The following RIT2 variants were observed in gnomAD, a reference collection of about 807,000 sequenced individuals.
The protein encoded by RIT2 is GTP-binding protein Rit2.
A neutral mutation model predicts 23.7 loss-of-function variants in RIT2; 24 were observed. The ratio of observed to expected loss-of-function variants is 1.01; its 90% CI spans 0.73 to 1.43. RIT2 has a LOEUF of 1.43. Ranked by LOEUF, RIT2 falls within the 40% of genes most tolerant of loss-of-function variation. The probability of loss-of-function intolerance (pLI) is 0.00; values close to 1 mark genes in which losing one functional copy is unlikely to be tolerated. For synonymous variants in RIT2, 107 were observed against 91.1 expected, an observed-to-expected ratio of 1.17 and a Z score of -0.99; for missense variants, 236 against 266.9, an observed-to-expected ratio of 0.88 and a Z score of 0.81.
At chr18:42,763,736 T>C (rs1567990452) in intron 4 of RIT2, among the ~76,000 whole-genome samples, 1 of 152,220 alleles carries the variant, frequency 6.6e-6, no homozygotes, top group Non-Finnish European at 1.5e-5. Flanking sequence ...TTGACTCTGG[T>C]AATAAAACTT....
intron 1 of RIT2, among the ~76,000 whole-genome samples, chr18:43,057,380 T>A (rs1365727954): frequency 6.6e-6 from 1 of 152,134 alleles, no homozygotes; most frequent in Non-Finnish European, 1.5e-5. Flanking sequence ...CAAGGGCCAG[T>A]GCCATAAACC....
At chr18:42,762,049 T>A (rs1913315098) in intron 4 of RIT2, among the ~76,000 whole-genome samples, 1 of 152,230 alleles carries the variant, frequency 6.6e-6, no homozygotes, top group African/African-American at 2.4e-5. Context: ...GAAATAAGTT[T>A]ATTTACATGT....
chr18:42,881,932 G>A (rs1241652868), intron 4 of RIT2, among the ~76,000 whole-genome samples: 7 of 152,076 alleles, frequency 4.6e-5, no homozygotes, highest in East Asian at 1.9e-4. Flanking sequence ...GCATACAGGC[G>A]GATCACTCCA....
intron 1 of RIT2, among the ~76,000 whole-genome samples, chr18:43,085,884 G>A (rs1342674948): frequency 6.6e-6 from 1 of 152,074 alleles, no homozygotes; most frequent in African/African-American, 2.4e-5. Context: ...AGGATCTGAT[G>A]ATTTTATAAA....
At chr18:42,877,581 G>T (rs1598695599) in intron 4 of RIT2, among the ~76,000 whole-genome samples, 1 of 148,048 alleles carries the variant, frequency 6.8e-6, no homozygotes, top group African/African-American at 2.5e-5. Flanking sequence ...TACAAATAAA[G>T]ATTTATGTGT....
At chr18:42,905,870 TG>T (rs1418823202) in intron 4 of RIT2, among the ~76,000 whole-genome samples, 2 of 149,372 alleles carry the variant, frequency 1.3e-5, no homozygotes, top group African/African-American at 4.9e-5. Flanking sequence ...TCCAGGTAGG[TG>T]GCTGGCTTTA....
intron 1 of RIT2, among the ~76,000 whole-genome samples, chr18:43,039,349 C>CTT (rs1251475840): frequency 5.6e-4 from 74 of 133,248 alleles, no homozygotes; most frequent in Middle Eastern, 8.0e-3. Flanking sequence ...TTTTTCTTTT[C>CTT]TTTTTTTTTT....
intron 4 of RIT2, among the ~76,000 whole-genome samples, chr18:42,867,470 T>C (rs1195323293): frequency 6.6e-6 from 1 of 151,982 alleles, no homozygotes; most frequent in Non-Finnish European, 1.5e-5. Flanking sequence ...AGGCAATCAA[T>C]ATCCTAAAAA....
chr18:43,027,901 C>T (rs185092100), intron 2 of RIT2, among the ~76,000 whole-genome samples: 2 of 152,112 alleles, frequency 1.3e-5, no homozygotes, highest in East Asian at 1.9e-4. Flanking sequence ...AGAAATCTAA[C>T]TTAGATAACA....
At chr18:43,088,329 G>A (rs949723931) in intron 1 of RIT2, among the ~76,000 whole-genome samples, 2 of 152,126 alleles carry the variant, frequency 1.3e-5, no homozygotes, top group Non-Finnish European at 2.9e-5. Flanking sequence ...GTTCTTTAAT[G>A]TTCTAATATT....
In RIT2 at chr18:42,850,219, C is replaced by T. The variant is rs370145137; in HGVS notation, c.426+73353G>A. Reference sequence around the variant, plus strand: ...GCAATGATAATTCTTTGGAATGCTCCGCTCTTTACCTATCTGTTTAATTTG... The same window carrying T: ...GCAATGATAATTCTTTGGAATGCTCTGCTCTTTACCTATCTGTTTAATTTG... On this transcript the variant is annotated intron_variant, in intron 4 of 4. Coordinates refer to ENST00000326695, the MANE Select transcript of RIT2 (RefSeq NM_002930.4). Among the ~76,000 whole-genome samples the T allele has an allele frequency of 3.9e-5, 6 of 152,014 alleles. No individual in the cohort carries two copies. In the South Asian group the frequency reaches 6.2e-4, roughly 16 times the overall value.
chr18:42,768,116 T>C (rs1913469630), intron 4 of RIT2, among the ~76,000 whole-genome samples: 1 of 152,018 alleles, frequency 6.6e-6, no homozygotes, highest in Non-Finnish European at 1.5e-5. Context: ...AGAATAAAAA[T>C]AAGATGCAGT....
At chr18:43,105,134 G>GTGTT (rs1555658709) in intron 1 of RIT2, among the ~76,000 whole-genome samples, 20 of 143,230 alleles carry the variant, frequency 1.4e-4, no homozygotes, top group African/African-American at 4.1e-4. Context: ...GTGTGTGTTT[G>GTGTT]TGTGTGTGTG....
chr18:42,988,677 A>G (rs1306404717), intron 2 of RIT2, among the ~76,000 whole-genome samples: 6 of 152,244 alleles, frequency 3.9e-5, no homozygotes, highest in South Asian at 2.1e-4. Flanking sequence ...TATCAACCAC[A>G]AACACCTTAC....
At chr18:42,747,602 T>C (rs1912948511) in intron 4 of RIT2, among the ~76,000 whole-genome samples, 1 of 151,742 alleles carries the variant, frequency 6.6e-6, no homozygotes, top group Non-Finnish European at 1.5e-5. Context: ...AGACTAAGCA[T>C]AAAGAAGAAA....
intron 1 of RIT2, among the ~76,000 whole-genome samples, chr18:43,074,229 A>G (rs1285781040): frequency 1.3e-5 from 2 of 152,216 alleles, no homozygotes; most frequent in Non-Finnish European, 1.5e-5. Context: ...AAATTTTGCA[A>G]TTAAACCACC....
At chr18:42,794,974 GA>G (rs764193159) in intron 4 of RIT2, among the ~76,000 whole-genome samples, 2 of 152,194 alleles carry the variant, frequency 1.3e-5, no homozygotes, top group Non-Finnish European at 2.9e-5. Context: ...AAAGACAGTA[GA>G]AAAATTGACA....
At chr18:42,793,828 C>T (rs1363812887) in intron 4 of RIT2, among the ~76,000 whole-genome samples, 1 of 152,154 alleles carries the variant, frequency 6.6e-6, no homozygotes, top group African/African-American at 2.4e-5. Context: ...AATTTTTACT[C>T]CTCTACTCCT....
chr18:43,053,878 A>T (rs1266987468), intron 1 of RIT2, among the ~76,000 whole-genome samples: 1 of 152,116 alleles, frequency 6.6e-6, no homozygotes, highest in Non-Finnish European at 1.5e-5. Flanking sequence ...AGCAGAAACC[A>T]ATAGTATAAT....
Sources: allele counts gnomAD v4.1 joint callset (sites outside exome capture counted in the v4.1 genomes callset), GRCh38; gene constraint gnomAD v4.1.1; transcripts MANE v1.5; gene names NCBI Gene and HGNC (gene_info 2026-07-23, HGNC 2026-07-21).